The following FREM2 variants were observed in gnomAD, a reference collection of about 807,000 sequenced individuals.
FREM2 encodes the protein FRAS1-related extracellular matrix protein 2.
In FREM2, 119 loss-of-function variants were observed where a neutral mutation model predicts 219.9. That is an observed-to-expected ratio of 0.54 (90% CI 0.47 to 0.63). FREM2 has a LOEUF of 0.63. Ranked by LOEUF, FREM2 falls within the 30% of genes least tolerant of loss-of-function variation. The pLI is 0.00. For missense variants in FREM2, 4,030 were observed against 3,993.6 expected, an observed-to-expected ratio of 1.01 and a Z score of -0.25; for synonymous variants, 1,562 against 1,522.8, an observed-to-expected ratio of 1.03 and a Z score of -0.60.
chr13:38,699,626 T>C (rs930811202), intron 2 of FREM2, among the ~76,000 whole-genome samples: 1 of 152,084 alleles, frequency 6.6e-6, no homozygotes, highest in African/African-American at 2.4e-5. Context: ...CCTCTTCCTC[T>C]TTACTGGCAT....
intron 16 of FREM2, among the ~76,000 whole-genome samples, chr13:38,866,632 A>G (rs1877978177): frequency 6.7e-6 from 1 of 149,082 alleles, no homozygotes; most frequent in South Asian, 2.1e-4. Context: ...GCGCCATTGC[A>G]CTCCAGCCTG....
At chr13:38,874,668 C>T in intron 18 of FREM2, 82 bp downstream of exon 18, 1 of 1,075,246 alleles carries the variant, frequency 9.3e-7, no homozygotes, top group Non-Finnish European at 1.4e-6. Context: ...CAGCGTGCTT[C>T]TCTGTTACCA....
intron 2 of FREM2, among the ~76,000 whole-genome samples, chr13:38,744,264 G>T (rs531042959): frequency 1.6e-5 from 2 of 125,586 alleles, no homozygotes; most frequent in African/African-American, 6.2e-5. Context: ...AGGCTGGTGT[G>T]CATTGGTGGG....
chr13:38,714,729 A>G (rs761458295), intron 2 of FREM2, among the ~76,000 whole-genome samples: 1 of 152,162 alleles, frequency 6.6e-6, no homozygotes, highest in East Asian at 1.9e-4. Flanking sequence ...TATGCACAAT[A>G]TCATGTTGTA....
At chr13:38,813,512 C>A (rs1593423178) in intron 6 of FREM2, among the ~76,000 whole-genome samples, 1 of 11,046 alleles carries the variant, frequency 9.1e-5, no homozygotes, top group East Asian at 2.4e-3. Flanking sequence ...CTCTCTCTCT[C>A]TCTCTCCTCT....
At chr13:38,700,430 C>G (rs953188122) in intron 2 of FREM2, among the ~76,000 whole-genome samples, 79 of 152,068 alleles carry the variant, frequency 5.2e-4, no homozygotes, top group African/African-American at 1.9e-3. Flanking sequence ...GTCTTTACCT[C>G]AGGGGAAGTC....
At position 38,697,727 on chromosome 13, in the gene FREM2, G is replaced by C. The variant is rs1593350031; in HGVS notation, c.5203G>C (p.Val1735Leu). Residue 1735 changes from valine to leucine, a missense_variant, in exon 2 of 24, where the codon GTC becomes CTC. Val to Leu is a conservative substitution (Grantham distance 32). Coordinates refer to ENST00000280481, the MANE Select transcript of FREM2 (RefSeq NM_207361.6). ...CATTGATGACATGAAAATATGCTAT[G>C]TCTTAAGAGAAGGGGCTAATGCCAC... The part of the protein sequence containing the change: ...ADIDDMKICY[V>L]LREGANATSD... 2.5e-6 allele frequency: 4 copies of C among 1,608,068 alleles called. No individual in the cohort carries two copies. In the East Asian group the frequency reaches 8.9e-5, roughly 36 times the overall value.
intron 1 of FREM2, among the ~76,000 whole-genome samples, chr13:38,693,417 C>G (rs1416095683): frequency 6.6e-6 from 1 of 152,186 alleles, no homozygotes; most frequent in Non-Finnish European, 1.5e-5. Flanking sequence ...TTTTTCTAAC[C>G]TGAATTTCCT....
intron 2 of FREM2, among the ~76,000 whole-genome samples, chr13:38,754,413 T>C (rs1384134625): frequency 2.6e-5 from 4 of 152,140 alleles, no homozygotes; most frequent in African/African-American, 9.7e-5. Context: ...TAAGCTAGAA[T>C]AGCCTGCAAA....
At chr13:38,789,756 T>C (rs549719488) in intron 6 of FREM2, among the ~76,000 whole-genome samples, 55 of 150,940 alleles carry the variant, frequency 3.6e-4, no homozygotes, top group Non-Finnish European at 7.5e-4. Flanking sequence ...TTTTTATATT[T>C]ATCTTTGACT....
Position 38,689,859 on chromosome 13 carries a change from A to G in FREM2, c.2515A>G (p.Ile839Val). 3 of 1,614,136 alleles carry G rather than the reference A, an allele frequency of 1.9e-6. No individual in the cohort carries two copies. The highest frequency in any genetic ancestry group is 2.7e-5 in the African/African-American group (2 of 75,018). ...TGAGATCCTCAACACCGGCTTCACT[A>G]TTCAGGAGAAGGGTCACCACATCCT... The part of the protein sequence containing the change: ...PPEILNTGFT[I>V]QEKGHHILSE... Residue 839 changes from isoleucine to valine, a missense_variant, in exon 1 of 24, where the codon ATT (isoleucine) becomes GTT (valine). This residue lies in a region of FREM2 where 3,102 missense variants were observed against 2,950.7 expected (regional missense o/e 1.05). Coordinates refer to ENST00000280481, the MANE Select transcript of FREM2 (RefSeq NM_207361.6).
At position 38,687,542 on chromosome 13, in the gene FREM2, C is replaced by T. The variant is rs1364276755; in HGVS notation, c.198C>T (p.Val66=). 1.9e-6 allele frequency: 3 copies of T among 1,601,414 alleles called. No individual in the cohort carries two copies. Among genetic ancestry groups the T allele is most frequent in the Non-Finnish European group, 2.6e-6 (3 of 1,173,980 alleles). Residue 66 remains valine, a synonymous_variant, in exon 1 of 24, where the codon GTC becomes GTT. Coordinates refer to ENST00000280481, the MANE Select transcript of FREM2 (RefSeq NM_207361.6). The part of the protein sequence containing the change: ...LSPGLAGAAG[V]PAEEAIVLAN... The stretch of plus-strand genomic sequence containing the variant: ...CTGGTCTCGCGGGGGCTGCAGGGGT[C>T]CCTGCTGAGGAGGCCATAGTGCTGG...
chr13:38,813,676 C>CT (rs1370178046), intron 6 of FREM2, among the ~76,000 whole-genome samples: 33 of 148,360 alleles, frequency 2.2e-4, no homozygotes, highest in Admixed American at 6.8e-5. Context: ...TTGAGGTAGT[C>CT]TCCTTTGGGT....
At chr13:38,697,590 G>T (rs767830338) in intron 1 of FREM2, 108 bp from the exon 2 acceptor site, 7 of 721,812 alleles carry the variant, frequency 9.7e-6, no homozygotes, top group Non-Finnish European at 1.7e-5. Context: ...GGAGGAAAAA[G>T]GAATTTAAAC....
At chr13:38,835,066 G>A (rs866006152) in intron 6 of FREM2, among the ~76,000 whole-genome samples, 3 of 152,100 alleles carry the variant, frequency 2.0e-5, no homozygotes, top group African/African-American at 7.2e-5. Flanking sequence ...TTCCCCTAGG[G>A]TTTTTATGTC....
Position 38,820,846 on chromosome 13 carries a change from C to G in FREM2, c.6020-25727C>G, listed in dbSNP as rs768189605. On this transcript the variant is annotated intron_variant, in intron 6 of 23. Coordinates refer to ENST00000280481, the MANE Select transcript of FREM2 (RefSeq NM_207361.6). ...GAAATGCTGCCATGGACTTGCAGGG[C>G]TATGATTATTTTAAGTCTAGAAAAT... Among the ~76,000 whole-genome samples, 46 of 152,220 alleles carry G rather than the reference C, an allele frequency of 3.0e-4. No individual in the cohort carries two copies. In the Middle Eastern group the frequency reaches 0.02, roughly 68 times the overall value.
Position 38,856,110 on chromosome 13 carries a change from G to C in FREM2, c.6926-16G>C, listed in dbSNP as rs753556849. On this transcript the variant is annotated splice_polypyrimidine_tract_variant and intron_variant, in intron 11 of 23. Coordinates refer to ENST00000280481, the MANE Select transcript of FREM2 (RefSeq NM_207361.6). ...TCATATGCAAATGATTTAAATCTGT[G>C]ATGTTACATTTGTAGAAATTGAGTT... 2 of 1,550,478 alleles carry C rather than the reference G, an allele frequency of 1.3e-6. No homozygotes were observed. The highest frequency in any genetic ancestry group is 3.4e-5 in the Admixed American group (2 of 59,400).
At chr13:38,738,441 C>G (rs1872087802) in intron 2 of FREM2, among the ~76,000 whole-genome samples, 1 of 151,806 alleles carries the variant, frequency 6.6e-6, no homozygotes, top group African/African-American at 2.4e-5. Flanking sequence ...TGGCACATGC[C>G]TGTGGTCCCA....
At chr13:38,871,202 C>CTATATATT (rs1878144956) in intron 16 of FREM2, among the ~76,000 whole-genome samples, 2 of 152,192 alleles carry the variant, frequency 1.3e-5, no homozygotes, top group Admixed American at 6.5e-5. Flanking sequence ...GTTGATGGTT[C>CTATATATT]TTTTCTATAT....
Sources: allele counts gnomAD v4.1 joint callset (sites outside exome capture counted in the v4.1 genomes callset), GRCh38; gene constraint gnomAD v4.1.1; regional missense constraint gnomAD v4.1.1; transcripts MANE v1.5; gene names NCBI Gene and HGNC (gene_info 2026-07-23, HGNC 2026-07-21).